Variants in LRRC4C observed in about 807,000 individuals in gnomAD.
LRRC4C encodes leucine rich repeat containing 4C.
Under a neutral mutation model 33.6 loss-of-function variants are expected in LRRC4C, and 5 were observed. The ratio of observed to expected loss-of-function variants is 0.15; its 90% CI spans 0.08 to 0.31. The LOEUF is 0.31. Ranked by LOEUF, LRRC4C falls within the 10% of genes least tolerant of loss-of-function variation. LRRC4C has a pLI of 1.00. For missense variants in LRRC4C, 560 were observed against 796.7 expected (o/e 0.70, Z 3.58); for synonymous variants, 329 against 302.0 (o/e 1.09, Z -0.93).
intron 4 of LRRC4C, among the ~76,000 whole-genome samples, chr11:40,295,007 C>A (rs1323638035): frequency 6.6e-6 from 1 of 152,030 alleles, no homozygotes; most frequent in African/African-American, 2.4e-5. Context: ...AGTAAATTGG[C>A]CTGTTCAGTT....
At chr11:40,811,624 A>T (rs1384339299) in intron 2 of LRRC4C, among the ~76,000 whole-genome samples, 1 of 152,078 alleles carries the variant, frequency 6.6e-6, no homozygotes, top group Non-Finnish European at 1.5e-5. Flanking sequence ...CAGCCTTCTG[A>T]GTAGCTGGGA....
intron 1 of LRRC4C, among the ~76,000 whole-genome samples, chr11:41,075,008 A>C (rs1938999432): frequency 4.1e-5 from 1 of 24,560 alleles, no homozygotes; most frequent in Non-Finnish European, 9.0e-5. Flanking sequence ...CACAACCTTC[A>C]ATTTTCTTTT....
chr11:41,116,959 A>T (rs2135736488), intron 1 of LRRC4C, among the ~76,000 whole-genome samples: 2 of 152,298 alleles, frequency 1.3e-5, no homozygotes, highest in South Asian at 4.1e-4. Flanking sequence ...CAGCTCTCAC[A>T]TCAAGAAATG....
At chr11:41,225,379 C>T (rs1947484521) in intron 1 of LRRC4C, among the ~76,000 whole-genome samples, 4 of 152,098 alleles carry the variant, frequency 2.6e-5, no homozygotes, top group African/African-American at 2.4e-5. Context: ...TTACACATTG[C>T]ATGCCTGTAT....
At chr11:40,908,834 ATC>A in intron 2 of LRRC4C, among the ~76,000 whole-genome samples, 1 of 152,194 alleles carries the variant, frequency 6.6e-6, no homozygotes, top group Admixed American at 6.5e-5. Flanking sequence ...AAACTCTGCA[ATC>A]TGACAATTTA....
chr11:40,464,987 A>G (rs1008052855), intron 3 of LRRC4C, among the ~76,000 whole-genome samples: 1 of 152,052 alleles, frequency 6.6e-6, no homozygotes. Context: ...ATGGAACCAA[A>G]AAAGCACCTG....
intron 1 of LRRC4C, among the ~76,000 whole-genome samples, chr11:41,072,955 C>A (rs1236025759): frequency 1.3e-5 from 2 of 152,020 alleles, no homozygotes; most frequent in Non-Finnish European, 2.9e-5. Context: ...GTTAAGTGTT[C>A]TGATTATAGA....
At chr11:40,155,146 A>C (rs1858576981) in intron 5 of LRRC4C, among the ~76,000 whole-genome samples, 1 of 152,150 alleles carries the variant, frequency 6.6e-6, no homozygotes, top group African/African-American at 2.4e-5. Context: ...AAAATTAAAA[A>C]ATTCTTCAAA....
intron 3 of LRRC4C, among the ~76,000 whole-genome samples, chr11:40,344,238 T>G (rs568614986): frequency 6.6e-6 from 1 of 152,206 alleles, no homozygotes; most frequent in East Asian, 1.9e-4. Flanking sequence ...TGAACATACA[T>G]GCAAAAATCA....
chr11:41,343,770 T>G (rs1311283880), intron 1 of LRRC4C, among the ~76,000 whole-genome samples: 1 of 152,214 alleles, frequency 6.6e-6, no homozygotes, highest in East Asian at 1.9e-4. Context: ...GTTTTTATGA[T>G]ATGGAATGTT....
intron 1 of LRRC4C, among the ~76,000 whole-genome samples, chr11:41,427,453 C>T (rs1955079169): frequency 2.0e-5 from 3 of 152,002 alleles, no homozygotes; most frequent in African/African-American, 7.2e-5. Flanking sequence ...AATGTGCTTT[C>T]CAGAGAATGT....
Position 40,984,362 on chromosome 11 carries a change from AAAAAG to A in LRRC4C, c.-495-50644_-495-50640del, listed in dbSNP as rs746785125. 7.2e-3 allele frequency among the ~76,000 whole-genome samples: 663 copies of A among 91,810 alleles called. 3 individuals are homozygous for A. The highest frequency in any genetic ancestry group is 0.012 in the Non-Finnish European group (500 of 41,214). The allele number at this position is 91,810 out of a possible 152,430, so 60.2% of individuals were successfully genotyped here. On this transcript the variant is annotated intron_variant, in intron 1 of 6. Transcript: ENST00000528697. ...AGAAAGTAGGAAAGAGAAAGAAAGA[AAAAAG>A]AAAGAAAGAAAGAAAGAAAGAAAGA...
chr11:40,749,097 T>C (rs1330373820), intron 2 of LRRC4C, among the ~76,000 whole-genome samples: 1 of 152,126 alleles, frequency 6.6e-6, no homozygotes, highest in Non-Finnish European at 1.5e-5. Flanking sequence ...AAAGCAAGAT[T>C]TAAATTGGAA....
chr11:40,322,314 C>T (rs1020270088), intron 3 of LRRC4C, among the ~76,000 whole-genome samples: 1 of 152,046 alleles, frequency 6.6e-6, no homozygotes, highest in Non-Finnish European at 1.5e-5. Context: ...GGTGCGATCT[C>T]AGCTCACTGC....
chr11:40,114,314 T>C lies in LRRC4C; in HGVS notation c.*56A>G. On this transcript the variant is annotated 3_prime_UTR_variant, in exon 7 of 7. Transcript: ENST00000528697. ...GATTTAGCCCAGTCATTTGTGTCAT[T>C]TTTAATAAACTGTCTTTTTTTTTGA... is the stretch of plus-strand genomic sequence containing the variant. 6.7e-7 allele frequency: 1 copy of C among 1,499,206 alleles called. No homozygotes were observed. Among genetic ancestry groups the C allele is most frequent in the South Asian group, 1.4e-5 (1 of 71,240 alleles). The allele number at this position is 1,499,206 out of a possible 1,614,324, so 92.9% of individuals were successfully genotyped here.
chr11:40,216,195 T>A (rs528919078), intron 5 of LRRC4C, among the ~76,000 whole-genome samples: 1 of 152,208 alleles, frequency 6.6e-6, no homozygotes, highest in Non-Finnish European at 1.5e-5. Flanking sequence ...ACTCACTACT[T>A]GGGGTAAAGT....
At chr11:40,252,433 G>T (rs1014896581) in intron 4 of LRRC4C, among the ~76,000 whole-genome samples, 1 of 151,756 alleles carries the variant, frequency 6.6e-6, no homozygotes, top group Admixed American at 6.6e-5. Flanking sequence ...CAAGACAAAA[G>T]GATCTTACCA....
At chr11:40,970,718 A>C (rs1341166914) in intron 1 of LRRC4C, among the ~76,000 whole-genome samples, 1 of 152,184 alleles carries the variant, frequency 6.6e-6, no homozygotes, top group Non-Finnish European at 1.5e-5. Flanking sequence ...AGCCTTGTTA[A>C]ACTGCTGTGA....
chr11:40,410,247 GA>G (rs1323372033), intron 3 of LRRC4C, among the ~76,000 whole-genome samples: 1 of 151,952 alleles, frequency 6.6e-6, no homozygotes, highest in African/African-American at 2.4e-5. Flanking sequence ...TATCATAAAA[GA>G]AACAGGAAAA....
Sources: allele counts gnomAD v4.1 joint callset (sites outside exome capture counted in the v4.1 genomes callset), GRCh38; gene constraint gnomAD v4.1.1; transcripts MANE v1.5; gene names NCBI Gene and HGNC (gene_info 2026-07-23, HGNC 2026-07-21).